The following OCA2 variants were observed in gnomAD, a reference collection of about 807,000 sequenced individuals.
OCA2 encodes OCA2 melanosomal transmembrane protein, also known as P protein.
In OCA2, 77 loss-of-function variants were observed where a neutral mutation model predicts 100.2. The observed-to-expected ratio is 0.77, with a 90% CI of 0.64 to 0.93. The LOEUF (loss-of-function observed/expected upper bound fraction) is 0.93. OCA2 is among the 40% of genes least tolerant of loss of function. The pLI is 0.00. For synonymous variants in OCA2, 432 were observed against 439.2 expected, an observed-to-expected ratio of 0.98 and a Z score of 0.21; for missense variants, 1,062 against 1,089.1, an observed-to-expected ratio of 0.98 and a Z score of 0.35.
intron 2 of OCA2, among the ~76,000 whole-genome samples, chr15:28,062,409 G>A (rs1443388563): frequency 6.6e-6 from 1 of 152,116 alleles, no homozygotes; most frequent in East Asian, 1.9e-4. Flanking sequence ...GTGGGCATGG[G>A]GGGAGTCTTT....
At chr15:28,091,067 A>C (rs943820046) in intron 1 of OCA2, among the ~76,000 whole-genome samples, 1 of 152,196 alleles carries the variant, frequency 6.6e-6, no homozygotes, top group African/African-American at 2.4e-5. Context: ...TTGCCATTTT[A>C]CAACTTTACA....
Position 27,909,267 on chromosome 15 carries a change from CAA to C in OCA2, c.2079+16858_2079+16859del, listed in dbSNP as rs1281067767. ...ACACAGAAGTAGACTTGATCAAATA[CAA>C]AGACACATCCTGTTCTCAGATTAAA... On this transcript the variant is annotated intron_variant, in intron 19 of 23. Coordinates refer to ENST00000354638, the MANE Select transcript of OCA2 (RefSeq NM_000275.3). Among the ~76,000 whole-genome samples, 6 of 152,120 alleles carry C rather than the reference CAA, an allele frequency of 3.9e-5. No individual in the cohort carries two copies. In the South Asian group the frequency reaches 1.2e-3, roughly 32 times the overall value.
intron 21 of OCA2, among the ~76,000 whole-genome samples, chr15:27,853,454 G>A (rs1290006930): frequency 3.4e-5 from 5 of 146,590 alleles, no homozygotes; most frequent in African/African-American, 5.1e-5. Context: ...GGATAGCATT[G>A]GGAGATATAC....
chr15:28,077,247 C>T (rs895698781), intron 2 of OCA2, among the ~76,000 whole-genome samples: 3 of 151,874 alleles, frequency 2.0e-5, no homozygotes, highest in East Asian at 1.9e-4. Flanking sequence ...TTAGTAGAGA[C>T]GGGGTTTCTC....
chr15:28,054,364 T>C (rs2043621055), intron 2 of OCA2, among the ~76,000 whole-genome samples: 2 of 152,226 alleles, frequency 1.3e-5, no homozygotes, highest in Non-Finnish European at 2.9e-5. Flanking sequence ...GCTATGTACA[T>C]GTGCGTGCTG....
intron 6 of OCA2, among the ~76,000 whole-genome samples, chr15:28,020,663 C>T (rs1448677184): frequency 2.0e-5 from 3 of 152,210 alleles, no homozygotes; most frequent in African/African-American, 7.2e-5. Flanking sequence ...CACAGCTCTT[C>T]GGTTCTCTCA....
chr15:27,805,275 G>A (rs2033786370), intron 23 of OCA2, among the ~76,000 whole-genome samples: 1 of 152,372 alleles, frequency 6.6e-6, no homozygotes, highest in South Asian at 2.1e-4. Context: ...ACATTTTCAT[G>A]TTGAAAACAC....
Position 27,957,683 on chromosome 15 carries a change from C to T in OCA2, c.1689G>A (p.Pro563=), listed in dbSNP as rs758505248. 5.0e-6 allele frequency: 8 copies of T among 1,613,092 alleles called. No individual in the cohort carries two copies. The highest frequency in any genetic ancestry group is 3.3e-4 in the Middle Eastern group (2 of 6,062). ...VWRLTAQRIS[P]ASREETAVRR... ...GCACAGCTGTCTCCTCGCGGCTGGC[C>T]GGGCTGATGCGCTGAGCAGTCAGGC... Residue 563 remains proline, a synonymous_variant, in exon 16 of 24, where the codon CCG becomes CCA. Coordinates refer to ENST00000354638, the MANE Select transcript of OCA2 (RefSeq NM_000275.3). This position sits in a 1 kb window ranked among gnomAD's most constrained non-coding sequence, Gnocchi z 4.3.
At chr15:27,995,249 T>C (rs2041683933) in intron 9 of OCA2, among the ~76,000 whole-genome samples, 2 of 152,212 alleles carry the variant, frequency 1.3e-5, no homozygotes, top group African/African-American at 4.8e-5. Flanking sequence ...AACAGCACTG[T>C]ACACCAAGTG....
chr15:27,839,387 TAAG>T (rs1025771893), intron 23 of OCA2, among the ~76,000 whole-genome samples: 1 of 152,228 alleles, frequency 6.6e-6, no homozygotes, highest in Non-Finnish European at 1.5e-5. Context: ...GTGAGTGGAC[TAAG>T]TTCATTTATT....
At chr15:27,867,651 G>A (rs1191875362) in intron 21 of OCA2, among the ~76,000 whole-genome samples, 2 of 152,166 alleles carry the variant, frequency 1.3e-5, no homozygotes, top group Non-Finnish European at 2.9e-5. Flanking sequence ...AAAACGTGCT[G>A]AAGTGCAAGG....
chr15:27,732,370 C>A, the OCA2 span, among the ~76,000 whole-genome samples: 7 of 152,160 alleles, frequency 4.6e-5, no homozygotes, highest in Non-Finnish European at 8.8e-5. Context: ...GGAAGAGAGC[C>A]CCTCTGTTGA....
intron 15 of OCA2, among the ~76,000 whole-genome samples, chr15:27,964,081 T>A (rs991698732): frequency 6.6e-6 from 1 of 152,208 alleles, no homozygotes; most frequent in African/African-American, 2.4e-5. Flanking sequence ...GCCATCCCTA[T>A]ATGTATATTA....
intron 21 of OCA2, among the ~76,000 whole-genome samples, chr15:27,867,641 A>G (rs2036377183): frequency 6.6e-6 from 1 of 152,218 alleles, no homozygotes; most frequent in African/African-American, 2.4e-5. Flanking sequence ...AAATAATGCA[A>G]AAACGTGCTG....
intron 21 of OCA2, among the ~76,000 whole-genome samples, chr15:27,865,764 G>A (rs1362025481): frequency 6.6e-6 from 1 of 152,152 alleles, no homozygotes; most frequent in African/African-American, 2.4e-5. Context: ...GAATGGCAAG[G>A]AGGCGGCACT....
chr15:27,894,467 A>G (rs889738628), intron 19 of OCA2, among the ~76,000 whole-genome samples: 1 of 152,226 alleles, frequency 6.6e-6, no homozygotes, highest in African/African-American at 2.4e-5. Context: ...CAGAATTCGT[A>G]TAGAGATGTG....
chr15:27,859,999 G>A (rs999191973), intron 21 of OCA2, among the ~76,000 whole-genome samples: 17 of 152,304 alleles, frequency 1.1e-4, no homozygotes, highest in Middle Eastern at 3.4e-3. Context: ...AAGAATTCCA[G>A]GCTGATTTAG....
intron 1 of OCA2, among the ~76,000 whole-genome samples, chr15:28,097,078 T>C (rs974323836): frequency 3.8e-4 from 58 of 152,300 alleles, no homozygotes; most frequent in African/African-American, 1.3e-3. Context: ...GCAGGCCAGC[T>C]TGGAAACTGT....
At chr15:27,989,696 A>C in intron 10 of OCA2, 30 bp from the exon 11 acceptor site, 1 of 1,605,270 alleles carries the variant, frequency 6.2e-7, no homozygotes, top group East Asian at 2.2e-5. Context: ...TTGCCAATTA[A>C]TCCGTGCGCC....
Sources: allele counts gnomAD v4.1 joint callset (sites outside exome capture counted in the v4.1 genomes callset), GRCh38; gene constraint gnomAD v4.1.1; non-coding constraint Gnocchi (gnomAD v3.1); transcripts MANE v1.5; gene names NCBI Gene and HGNC (gene_info 2026-07-23, HGNC 2026-07-21).